BTRC: variants seen among roughly 807,000 people sequenced by gnomAD.
BTRC encodes F-box/WD repeat-containing protein 1A.
Under a neutral mutation model 85.5 loss-of-function variants are expected in BTRC, and 42 were observed. That is an observed-to-expected ratio of 0.49 (90% CI 0.38 to 0.64). The LOEUF (loss-of-function observed/expected upper bound fraction) is 0.64, where lower values mean the gene tolerates loss of function less well. Ranked by LOEUF, BTRC falls within the 30% of genes least tolerant of loss-of-function variation. BTRC has a pLI of 0.00. For synonymous variants in BTRC, 255 were observed against 263.3 expected (o/e 0.97, Z 0.30); for missense variants, 594 against 743.5 (o/e 0.80, Z 2.34).
At chr10:101,457,379 A>C in intron 2 of BTRC, among the ~76,000 whole-genome samples, 1 of 152,292 alleles carries the variant, frequency 6.6e-6, no homozygotes, top group Middle Eastern at 3.4e-3. Flanking sequence ...AATGTCAATG[A>C]CTCATGGTCA....
At chr10:101,463,485 T>G (rs998256989) in intron 3 of BTRC, among the ~76,000 whole-genome samples, 6 of 152,180 alleles carry the variant, frequency 3.9e-5, no homozygotes, top group African/African-American at 1.4e-4. Flanking sequence ...TGGCCCTGTA[T>G]TCATTTTTAA....
intron 1 of BTRC, among the ~76,000 whole-genome samples, chr10:101,382,786 T>A (rs1942968721): frequency 6.6e-6 from 1 of 152,188 alleles, no homozygotes; most frequent in African/African-American, 2.4e-5. Context: ...TTTAGGTAGT[T>A]CTAAATAATT....
At chr10:101,543,066 C>G (rs2062493810) in intron 13 of BTRC, among the ~76,000 whole-genome samples, 1 of 152,122 alleles carries the variant, frequency 6.6e-6, no homozygotes, top group African/African-American at 2.4e-5. Context: ...TCAGTAGAGA[C>G]AGGATTTTGC....
chr10:101,551,520 C>T (rs1361300632), intron 14 of BTRC, among the ~76,000 whole-genome samples: 1 of 152,174 alleles, frequency 6.6e-6, no homozygotes, highest in Non-Finnish European at 1.5e-5. Flanking sequence ...CCCAGGTGGT[C>T]CATACATATT....
chr10:101,427,122 T>C (rs564551363), intron 1 of BTRC, among the ~76,000 whole-genome samples: 23 of 145,330 alleles, frequency 1.6e-4, no homozygotes, highest in Admixed American at 4.8e-4. Flanking sequence ...TCTTTTTTTT[T>C]TTTTTTTTTT....
chr10:101,468,180 G>A lies in BTRC; in HGVS notation c.234+6122G>A, dbSNP rs528636824. ...TGCTTTGTTTTATTTGTATTTTAAT[G>A]TAATCATTCTTTGATAAATTGTGTA... is the stretch of plus-strand genomic sequence containing the variant. On this transcript the variant is annotated intron_variant, in intron 3 of 14. Coordinates refer to ENST00000370187, the MANE Select transcript of BTRC (RefSeq NM_033637.4). 1.4e-4 allele frequency among the ~76,000 whole-genome samples: 22 copies of A among 152,276 alleles called. No individual in the cohort carries two copies. In the South Asian group the frequency reaches 4.6e-3, roughly 32 times the overall value.
chr10:101,444,757 G>T (rs1944778187), intron 2 of BTRC, among the ~76,000 whole-genome samples: 1 of 152,150 alleles, frequency 6.6e-6, no homozygotes, highest in Non-Finnish European at 1.5e-5. Flanking sequence ...TTACTAGTCC[G>T]CCTGAAAACA....
At chr10:101,379,544 G>A (rs1263306222) in intron 1 of BTRC, among the ~76,000 whole-genome samples, 1 of 152,058 alleles carries the variant, frequency 6.6e-6, no homozygotes, top group Non-Finnish European at 1.5e-5. Flanking sequence ...ATAAATTATA[G>A]TATGGAGGCC....
At position 101,550,883 on chromosome 10, in the gene BTRC, C is replaced by T; in HGVS notation, c.*23C>T. 6.3e-7 allele frequency: 1 copy of T among 1,598,524 alleles called. No individual in the cohort carries two copies. Among genetic ancestry groups the T allele is most frequent in the Non-Finnish European group, 8.6e-7 (1 of 1,167,352 alleles). On this transcript the variant is annotated 3_prime_UTR_variant, in exon 14 of 15. Transcript: ENST00000370187. ...TAAATAACCATACACTGACCTCATA[C>T]TTGCCCAGGTATCGAAATCGATTAT... is the stretch of plus-strand genomic sequence containing the variant.
chr10:101,495,106 G>T (rs1267494793), intron 4 of BTRC, among the ~76,000 whole-genome samples: 1 of 152,142 alleles, frequency 6.6e-6, no homozygotes, highest in African/African-American at 2.4e-5. Context: ...AAAGAGCAGG[G>T]TTCTCCTAAT....
intron 1 of BTRC, among the ~76,000 whole-genome samples, chr10:101,387,242 G>A (rs1943102487): frequency 6.6e-6 from 1 of 150,560 alleles, no homozygotes; most frequent in African/African-American, 2.4e-5. Context: ...ATATTTATGG[G>A]GTATATACTG....
intron 6 of BTRC, among the ~76,000 whole-genome samples, chr10:101,527,931 T>C (rs2062222676): frequency 6.6e-6 from 1 of 152,156 alleles, no homozygotes; most frequent in Non-Finnish European, 1.5e-5. Context: ...AACTCTTTAA[T>C]AGTACAACAA....
upstream of BTRC, chr10:101,354,140 G>C: frequency 6.5e-7 from 1 of 1,547,462 alleles, no homozygotes; most frequent in South Asian, 1.2e-5. Flanking sequence ...GCACCAAAGG[G>C]GCGGCCCCGG....
At position 101,461,946 on chromosome 10, in the gene BTRC, A is replaced by G. The variant is rs139681293; in HGVS notation, c.157-35A>G. On this transcript the variant is annotated intron_variant, in intron 2 of 14. Coordinates refer to ENST00000370187, the MANE Select transcript of BTRC (RefSeq NM_033637.4). ...CTCCCAAAGGATAAGATTGAAGATA[A>G]TGAGAACTGAATTAAAGCTTACTTT... 65 of 1,467,098 alleles carry G rather than the reference A, an allele frequency of 4.4e-5. No homozygotes were observed. In the East Asian group the frequency reaches 1.5e-3, roughly 33 times the overall value. 90.9% of individuals were successfully genotyped at this position (1,467,098 alleles called of 1,614,324 possible).
At chr10:101,447,869 C>G (rs1944866871) in intron 2 of BTRC, among the ~76,000 whole-genome samples, 1 of 146,370 alleles carries the variant, frequency 6.8e-6, no homozygotes, top group Non-Finnish European at 1.5e-5. Context: ...TTGGAAACAT[C>G]TTGATTGTTT....
At chr10:101,536,754 A>G in intron 12 of BTRC, 101 bp downstream of exon 12, 5 of 867,684 alleles carry the variant, frequency 5.8e-6, no homozygotes, top group Non-Finnish European at 8.8e-6. Context: ...CTAAAAGCTT[A>G]TAGATTTTAC....
intron 1 of BTRC, among the ~76,000 whole-genome samples, chr10:101,376,077 G>A (rs571496818): frequency 6.6e-6 from 1 of 152,182 alleles, no homozygotes; most frequent in African/African-American, 2.4e-5. Context: ...TGTAATCCTA[G>A]CACTTCGGGA....
chr10:101,429,309 C>G (rs910963701), intron 1 of BTRC, among the ~76,000 whole-genome samples: 1 of 152,020 alleles, frequency 6.6e-6, no homozygotes, highest in Non-Finnish European at 1.5e-5. Flanking sequence ...TTCTTTCTTA[C>G]AAAGCTGTAG....
intron 2 of BTRC, among the ~76,000 whole-genome samples, chr10:101,433,860 A>G (rs894483187): frequency 6.6e-6 from 1 of 152,150 alleles, no homozygotes; most frequent in African/African-American, 2.4e-5. Flanking sequence ...TGGACCCAGG[A>G]TCTTTAAATT....
Sources: gnomAD v4.1 joint callset for allele counts (sites outside exome capture counted in the v4.1 genomes callset) on GRCh38, gnomAD v4.1.1 for gene constraint, MANE v1.5 for transcripts, NCBI Gene and HGNC (gene_info 2026-07-23, HGNC 2026-07-21) for gene names.